NLRP7: variants seen among roughly 807,000 people sequenced by gnomAD.
The protein encoded by NLRP7 is NLR family pyrin domain containing 7.
NLRP7 carries 72 observed loss-of-function variants against 85.5 expected under a neutral mutation model. The ratio of observed to expected loss-of-function variants is 0.84; its 90% confidence interval spans 0.70 to 1.02. The LOEUF (loss-of-function observed/expected upper bound fraction) is 1.02. NLRP7 is among the 50% of genes least tolerant of loss of function. The pLI is 0.00. For missense variants in NLRP7, 1,243 were observed against 1,219.5 expected (o/e 1.02, Z -0.29); for synonymous variants, 550 against 505.2 (o/e 1.09, Z -1.19).
chr19:54,956,117 G>A (rs551569044), intron 1 of NLRP7, among the ~76,000 whole-genome samples: 2 of 151,338 alleles, frequency 1.3e-5, no homozygotes, highest in South Asian at 4.2e-4. Flanking sequence ...TCCAGCCTGG[G>A]CAACAGAGGG....
chr19:54,937,915 A>AAAAG, intron 5 of NLRP7, 129 bp downstream of exon 5: 1 of 771,724 alleles, frequency 1.3e-6, no homozygotes, highest in Non-Finnish European at 2.2e-6. Context: ...AAAAAAAAAA[A>AAAAG]AAAAAAGACA....
intron 1 of NLRP7, among the ~76,000 whole-genome samples, chr19:54,942,952 G>A (rs1271490632): frequency 5.3e-5 from 8 of 150,802 alleles, no homozygotes; most frequent in South Asian, 2.1e-4. Flanking sequence ...TTTGAGACCC[G>A]CCTGGCCCAC....
upstream of NLRP7, among the ~76,000 whole-genome samples, chr19:54,949,660 C>A (rs981905124): frequency 6.6e-6 from 1 of 152,014 alleles, no homozygotes; most frequent in Non-Finnish European, 1.5e-5. Context: ...CCAAAGAAAC[C>A]GTCAGTGATT....
chr19:54,938,564 AAAAAT>A (rs2069047827), intron 4 of NLRP7, among the ~76,000 whole-genome samples: 1 of 152,064 alleles, frequency 6.6e-6, no homozygotes, highest in African/African-American at 2.4e-5. Flanking sequence ...ATCTCTACAA[AAAAAT>A]AAAATAATTA....
chr19:54,950,324 C>T (rs145935889), upstream of NLRP7, among the ~76,000 whole-genome samples: 384 of 152,160 alleles, frequency 2.5e-3, 1 homozygote, highest in African/African-American at 8.6e-3. Flanking sequence ...GGGCATTTCT[C>T]GTTAGGTGGA....
chr19:54,963,813 G>A (rs564405865), intron 1 of NLRP7, among the ~76,000 whole-genome samples: 1 of 147,898 alleles, frequency 6.8e-6, no homozygotes, highest in African/African-American at 2.5e-5. Flanking sequence ...GACAGTGCCA[G>A]ACTCAGTCTC....
At chr19:54,951,926 G>A (rs1273543340), upstream of NLRP7, among the ~76,000 whole-genome samples, 1 of 151,828 alleles carries the variant, frequency 6.6e-6, no homozygotes, top group Non-Finnish European at 1.5e-5. Context: ...AATTTTTTTT[G>A]TATTTTTAGT....
At chr19:54,960,149 G>A (rs990541327) in intron 1 of NLRP7, among the ~76,000 whole-genome samples, 8 of 151,646 alleles carry the variant, frequency 5.3e-5, no homozygotes, top group African/African-American at 1.9e-4. Flanking sequence ...TTTTTTGTTT[G>A]TTTGTTTCTT....
chr19:54,930,118 A>G (rs2068613234), intron 9 of NLRP7, among the ~76,000 whole-genome samples: 1 of 94,472 alleles, frequency 1.1e-5, no homozygotes, highest in African/African-American at 3.5e-5. Flanking sequence ...TCCGTCTCAA[A>G]AAAAAAAAAA....
chr19:54,936,937 G>C (rs2068955396), intron 5 of NLRP7, among the ~76,000 whole-genome samples: 1 of 151,566 alleles, frequency 6.6e-6, no homozygotes, highest in Non-Finnish European at 1.5e-5. Context: ...AATTCGCCGG[G>C]TGTGGTGGCT....
intron 9 of NLRP7, 24 bp downstream of exon 10, chr19:54,927,571 AAAAACAAAAC>A (rs754344098): frequency 3.2e-6 from 5 of 1,559,778 alleles, no homozygotes; most frequent in East Asian, 4.7e-5. Flanking sequence ...AACAAAAACA[AAAAACAAAAC>A]AAAACAAAAC....
At chr19:54,936,935 G>A (rs185256581) in intron 5 of NLRP7, among the ~76,000 whole-genome samples, 19 of 151,134 alleles carry the variant, frequency 1.3e-4, no homozygotes, top group Admixed American at 3.3e-4. Context: ...AAAATTCGCC[G>A]GGTGTGGTGG....
intron 9 of NLRP7, among the ~76,000 whole-genome samples, chr19:54,926,205 G>GTTGT (rs2068429587): frequency 3.5e-5 from 5 of 143,642 alleles, no homozygotes; most frequent in African/African-American, 1.2e-4. Flanking sequence ...AATGATTAGG[G>GTTGT]GTGTGTGTGT....
intron 8 of NLRP7, among the ~76,000 whole-genome samples, chr19:54,931,999 A>G (rs879616643): frequency 2.6e-5 from 4 of 152,092 alleles, no homozygotes; most frequent in African/African-American, 9.7e-5. Flanking sequence ...TGGAAATTTC[A>G]CTTTCCCTGT....
chr19:54,936,332 C>T lies in NLRP7; in HGVS notation c.2229G>A (p.Glu743=), dbSNP rs751462685. The change falls in exon 6 of 10, where the codon GAG becomes GAA. Residue 743 remains glutamate (E), a synonymous_variant. Coordinates refer to ENST00000340844, the Ensembl canonical transcript of NLRP7. ...GCATCAGCATCATCGTGCGTTCCCA[C>T]TCGATGTGCCCTGCCAGGGTCAGGT... is the stretch of plus-strand genomic sequence containing the variant. 1.3e-5 allele frequency: 21 copies of T among 1,613,972 alleles called. 1 individual carries two copies. In the South Asian group the frequency reaches 1.8e-4, roughly 14 times the overall value.
At chr19:54,935,475 C>T (rs1335276856) in intron 6 of NLRP7, among the ~76,000 whole-genome samples, 1 of 152,086 alleles carries the variant, frequency 6.6e-6, no homozygotes, top group Non-Finnish European at 1.5e-5. Flanking sequence ...ACAGGCGGAT[C>T]ACTTGAGGTC....
chr19:54,962,859 A>G (rs1410836854), intron 1 of NLRP7, among the ~76,000 whole-genome samples: 5 of 151,692 alleles, frequency 3.3e-5, no homozygotes, highest in Non-Finnish European at 7.4e-5. Context: ...TCGGCCTCCC[A>G]AAGTGCTGGG....
At chr19:54,944,144 C>G (rs557310746) in intron 1 of NLRP7, among the ~76,000 whole-genome samples, 1 of 151,936 alleles carries the variant, frequency 6.6e-6, no homozygotes, top group Non-Finnish European at 1.5e-5. Context: ...GCCCGACACC[C>G]GTAAAGGGTC....
Position 54,933,624 on chromosome 19 carries a change from C to T in NLRP7, c.2587G>A (p.Val863Met), listed in dbSNP as rs765462517. ...CTCAAGCCCTCACACAGAAACTTCA[C>T]CCCTGTATCCCCAATGGGGTTCTTG... Residue 863 changes from valine (V) to methionine (M), a missense_variant, in exon 8 of 10, where the codon GTG (valine) becomes ATG (methionine). By Grantham distance (21) the Val-to-Met change is conservative. Transcript: ENST00000340844. 3 of 1,614,104 alleles carry T rather than the reference C, an allele frequency of 1.9e-6. No homozygotes were observed. In the African/African-American group the frequency reaches 4.0e-5, roughly 22 times the overall value.
Sources: gnomAD v4.1 joint callset for allele counts (sites outside exome capture counted in the v4.1 genomes callset) on GRCh38, gnomAD v4.1.1 for gene constraint, MANE v1.5 for transcripts, NCBI Gene and HGNC (gene_info 2026-07-23, HGNC 2026-07-21) for gene names.